Variants in SYT9 observed in about 807,000 individuals in gnomAD.
SYT9 encodes synaptotagmin-9.
A neutral mutation model predicts 48.4 loss-of-function variants in SYT9; 22 were observed. The observed-to-expected ratio is 0.45, with a 90% CI of 0.32 to 0.65. The LOEUF (loss-of-function observed/expected upper bound fraction) is 0.65. Ranked by LOEUF, SYT9 falls within the 30% of genes least tolerant of loss-of-function variation. The pLI is 0.03. For missense variants in SYT9, 577 were observed against 622.0 expected (o/e 0.93, Z 0.77); for synonymous variants, 265 against 245.0 (o/e 1.08, Z -0.76).
intron 3 of SYT9, among the ~76,000 whole-genome samples, chr11:7,363,086 C>T (rs1850176807): frequency 6.8e-6 from 1 of 147,420 alleles, no homozygotes; most frequent in African/African-American, 2.5e-5. Flanking sequence ...GTCTGTAAAT[C>T]TCATTTTGCA....
At chr11:7,328,881 T>A (rs1454124808) in intron 3 of SYT9, among the ~76,000 whole-genome samples, 1 of 152,216 alleles carries the variant, frequency 6.6e-6, no homozygotes, top group African/African-American at 2.4e-5. Flanking sequence ...GGATAATTTT[T>A]TTTCTCAGTA....
intron 1 of SYT9, among the ~76,000 whole-genome samples, chr11:7,279,493 G>A (rs546209043): frequency 3.9e-5 from 6 of 152,258 alleles, no homozygotes; most frequent in African/African-American, 1.4e-4. Flanking sequence ...GGGAAGCTTA[G>A]ATAATCTACC....
At chr11:7,300,791 C>A (rs372406130) in intron 1 of SYT9, among the ~76,000 whole-genome samples, 1 of 152,160 alleles carries the variant, frequency 6.6e-6, no homozygotes, top group South Asian at 2.1e-4. Flanking sequence ...AGCACTATCA[C>A]CCATCACAGA....
intron 1 of SYT9, among the ~76,000 whole-genome samples, chr11:7,263,058 A>C (rs1285062148): frequency 6.6e-6 from 1 of 152,154 alleles, no homozygotes; most frequent in African/African-American, 2.4e-5. Context: ...GAAGTTGGGT[A>C]CATTTCCCGA....
chr11:7,280,308 C>A (rs1309868386), intron 1 of SYT9, among the ~76,000 whole-genome samples: 1 of 152,234 alleles, frequency 6.6e-6, no homozygotes, highest in Non-Finnish European at 1.5e-5. Context: ...GTAGGCCCAA[C>A]AAGCCTGTTG....
chr11:7,317,887 G>A (rs1220691822), intron 3 of SYT9, among the ~76,000 whole-genome samples: 2 of 152,166 alleles, frequency 1.3e-5, no homozygotes, highest in Non-Finnish European at 2.9e-5. Context: ...ACATCTGGAA[G>A]GGCAAATCAT....
chr11:7,332,063 A>T (rs1325997231), intron 3 of SYT9, among the ~76,000 whole-genome samples: 2 of 152,190 alleles, frequency 1.3e-5, no homozygotes, highest in African/African-American at 4.8e-5. Flanking sequence ...GCTGAGAGGG[A>T]TTCTCGTGCA....
intron 1 of SYT9, among the ~76,000 whole-genome samples, chr11:7,298,906 G>T (rs1589924515): frequency 6.6e-6 from 1 of 152,196 alleles, no homozygotes; most frequent in East Asian, 1.9e-4. Flanking sequence ...ATAGTTTTAT[G>T]CACGGTCACC....
intron 6 of SYT9, among the ~76,000 whole-genome samples, chr11:7,445,704 A>C (rs1441904786): frequency 6.6e-6 from 1 of 152,212 alleles, no homozygotes; most frequent in Admixed American, 6.5e-5. Flanking sequence ...GCATCTGGGA[A>C]GACGGCCCAC....
At chr11:7,303,744 T>C (rs1301397571) in intron 2 of SYT9, among the ~76,000 whole-genome samples, 1 of 152,210 alleles carries the variant, frequency 6.6e-6, no homozygotes, top group African/African-American at 2.4e-5. Flanking sequence ...AAGCTGTATA[T>C]GTAAATACCC....
rs1383914759 is a variant in SYT9, at chr11:7,454,286, G to C, written c.1468-12506G>C. 6 of 985,226 alleles carry C rather than the reference G, an allele frequency of 6.1e-6. No individual in the cohort carries two copies. In the African/African-American group the frequency reaches 1.0e-4, roughly 17 times the overall value. 61.0% of individuals were successfully genotyped at this position (985,226 alleles called of 1,614,324 possible). On this transcript the variant is annotated intron_variant, in intron 6 of 6. Coordinates refer to ENST00000318881, the MANE Select transcript of SYT9 (RefSeq NM_175733.4). Reference sequence around the variant, plus strand: ...TTGTCTCTGCAGTGGCCTGAGGAATGGTCTTTTTTGCATCTCATGATTCCA... The same window carrying C: ...TTGTCTCTGCAGTGGCCTGAGGAATCGTCTTTTTTGCATCTCATGATTCCA...
At chr11:7,377,060 T>C (rs1850467949) in intron 3 of SYT9, among the ~76,000 whole-genome samples, 1 of 149,462 alleles carries the variant, frequency 6.7e-6, no homozygotes, top group Admixed American at 6.8e-5. Context: ...CATAAGAGTA[T>C]CTTTGAATGA....
At chr11:7,273,573 G>C (rs1414707460) in intron 1 of SYT9, among the ~76,000 whole-genome samples, 3 of 152,112 alleles carry the variant, frequency 2.0e-5, no homozygotes, top group Non-Finnish European at 2.9e-5. Flanking sequence ...AAAAGAACTT[G>C]AAGATTGCTG....
rs575691114 is a variant in SYT9 at position 7,280,903 on chromosome 11, C to T, written c.146-22136C>T. ...ACTTTTGAGAATCATCTTTGAATATCACCTTTGACTTTTGAATATTACCTT... is the reference window on the plus strand; with the variant it reads ...ACTTTTGAGAATCATCTTTGAATATTACCTTTGACTTTTGAATATTACCTT... On this transcript the variant is annotated intron_variant, in intron 1 of 6. Coordinates refer to ENST00000318881, the MANE Select transcript of SYT9 (RefSeq NM_175733.4). Among the ~76,000 whole-genome samples the T allele has an allele frequency of 6.7e-4, 102 of 152,274 alleles. 1 individual carries two copies. Among genetic ancestry groups the T allele is most frequent in the Non-Finnish European group, 1.3e-3 (87 of 68,002 alleles).
At chr11:7,243,497 C>A (rs1032341248) in intron 1 of SYT9, among the ~76,000 whole-genome samples, 6 of 152,200 alleles carry the variant, frequency 3.9e-5, no homozygotes, top group Non-Finnish European at 5.9e-5. Flanking sequence ...CCCCTTCTTA[C>A]TTCCTTCCTC....
chr11:7,468,233 G>A lies in SYT9; in HGVS notation c.*1433G>A. 2.5e-6 allele frequency: 1 copy of A among 398,600 alleles called. No individual in the cohort carries two copies. The highest frequency in any genetic ancestry group is 4.4e-6 in the Non-Finnish European group (1 of 226,050). The allele number at this position is 398,600 out of a possible 1,614,324, so 24.7% of individuals were successfully genotyped here. A position where few individuals can be genotyped will look rare whatever the true frequency, so the allele number is the denominator to read the frequency against. The stretch of plus-strand genomic sequence containing the variant: ...TCTGTTTGAATTAACATTTCAGCAT[G>A]GAACTAACTGGGCGGAGGAAGGATC... On this transcript the variant is annotated 3_prime_UTR_variant, in exon 7 of 7. Coordinates refer to ENST00000318881, the MANE Select transcript of SYT9 (RefSeq NM_175733.4).
intron 3 of SYT9, among the ~76,000 whole-genome samples, chr11:7,370,812 G>T (rs1018733351): frequency 1.3e-5 from 2 of 152,138 alleles, no homozygotes; most frequent in East Asian, 3.8e-4. Flanking sequence ...TAAGCATGTT[G>T]ACTATGGGAT....
chr11:7,250,454 C>A (rs866848463), upstream of SYT9, among the ~76,000 whole-genome samples: 14 of 109,692 alleles, frequency 1.3e-4, no homozygotes, highest in African/African-American at 4.0e-4. Context: ...CCCCGCCACC[C>A]CCCCCCAGCA....
chr11:7,310,931 A>G (rs1849121706), intron 2 of SYT9, among the ~76,000 whole-genome samples: 1 of 152,188 alleles, frequency 6.6e-6, no homozygotes, highest in Non-Finnish European at 1.5e-5. Context: ...TTCAGATTTC[A>G]TGTCTAAGAA....
Sources: gnomAD v4.1 joint callset for allele counts (sites outside exome capture counted in the v4.1 genomes callset) on GRCh38, gnomAD v4.1.1 for gene constraint, MANE v1.5 for transcripts, NCBI Gene and HGNC (gene_info 2026-07-23, HGNC 2026-07-21) for gene names.